SNX24: variants seen among roughly 807,000 people sequenced by gnomAD.
SNX24 encodes sorting nexin-24.
Under a neutral mutation model 28.7 loss-of-function variants are expected in SNX24, and 22 were observed. The observed-to-expected ratio is 0.77, with a 90% CI of 0.55 to 1.10. The LOEUF (loss-of-function observed/expected upper bound fraction) is 1.10. Ranked by LOEUF, SNX24 falls within the 50% of genes least tolerant of loss-of-function variation. SNX24 has a pLI of 0.00. For missense variants in SNX24, 221 were observed against 201.1 expected, an observed-to-expected ratio of 1.10 and a Z score of -0.60; for synonymous variants, 69 against 71.5, an observed-to-expected ratio of 0.96 and a Z score of 0.18.
intron 1 of SNX24, among the ~76,000 whole-genome samples, chr5:122,892,627 T>C (rs1444790567): frequency 2.0e-5 from 3 of 151,702 alleles, no homozygotes; most frequent in African/African-American, 7.3e-5. Context: ...TTTAAAAGAC[T>C]GGGTTTCACC....
At chr5:122,895,154 T>C (rs960319367) in intron 1 of SNX24, among the ~76,000 whole-genome samples, 1 of 151,970 alleles carries the variant, frequency 6.6e-6, no homozygotes, top group African/African-American at 2.4e-5. Flanking sequence ...ATTTAAAATA[T>C]ACATGGTTGC....
chr5:122,870,719 C>T (rs186464741), intron 1 of SNX24, among the ~76,000 whole-genome samples: 4 of 152,248 alleles, frequency 2.6e-5, no homozygotes, highest in East Asian at 1.9e-4. Context: ...CGGGCATGCA[C>T]GTGTGCAGGG....
In SNX24 at chr5:123,007,826, C is replaced by T; in HGVS notation, c.*77C>T. The stretch of plus-strand genomic sequence containing the variant: ...GGAAATCAATACCTACCAATTTAAC[C>T]TAAACGCTATGATATATAACAGCTC... On this transcript the variant is annotated 3_prime_UTR_variant, in exon 7 of 7. Transcript: ENST00000261369. The T allele has an allele frequency of 1.3e-6, 2 of 1,564,698 alleles. No individual in the cohort carries two copies. Among genetic ancestry groups the T allele is most frequent in the Non-Finnish European group, 1.7e-6 (2 of 1,163,234 alleles).
chr5:122,909,764 A>T (rs2034020709), intron 1 of SNX24, among the ~76,000 whole-genome samples: 1 of 152,162 alleles, frequency 6.6e-6, no homozygotes, highest in African/African-American at 2.4e-5. Context: ...TGGGGCAGAG[A>T]CCGTGTCTCT....
rs1031299909 is a variant in SNX24 at position 122,971,902 on chromosome 5, C to A, written c.249+25743C>A. ...TTTTACCTGACCTGGTGGAGTGATCCAAACCTTCATTCCTGAAGGGTCTGG... is the reference window on the plus strand; with the variant it reads ...TTTTACCTGACCTGGTGGAGTGATCAAAACCTTCATTCCTGAAGGGTCTGG... On this transcript the variant is annotated intron_variant, in intron 3 of 6. Coordinates refer to ENST00000261369, the MANE Select transcript of SNX24 (RefSeq NM_014035.4). 3.3e-5 allele frequency among the ~76,000 whole-genome samples: 5 copies of A among 152,304 alleles called. No homozygotes were observed. The South Asian group carries it at 1.0e-3, about 32-fold the overall frequency.
chr5:123,023,189 C>T (rs575647284), intron 5 of SNX24: 2 of 152,304 alleles, frequency 1.3e-5, no homozygotes, highest in East Asian at 1.9e-4. Flanking sequence ...AAAAATGTTA[C>T]ATTGAATAAC....
At chr5:122,860,322 T>TA (rs34746965) in intron 1 of SNX24, among the ~76,000 whole-genome samples, 82,620 of 151,256 alleles carry the variant, frequency 0.55, 23,018 homozygotes, top group African/African-American at 0.65. Context: ...TTGGGCAAGA[T>TA]AAAAAAAAAT....
At chr5:122,935,762 T>C (rs1403829999) in intron 1 of SNX24, among the ~76,000 whole-genome samples, 1 of 152,226 alleles carries the variant, frequency 6.6e-6, no homozygotes, top group Non-Finnish European at 1.5e-5. Context: ...AGACTAAAAG[T>C]AAGCATGCTT....
chr5:122,951,841 A>G (rs1759956034), intron 3 of SNX24, among the ~76,000 whole-genome samples: 1 of 152,166 alleles, frequency 6.6e-6, no homozygotes, highest in Non-Finnish European at 1.5e-5. Flanking sequence ...AGTGCTGGAG[A>G]GCTTCTAGGC....
At chr5:123,028,997 C>G in intron 5 of SNX24, 1 of 869,710 alleles carries the variant, frequency 1.1e-6, no homozygotes, top group Non-Finnish European at 1.7e-6. Flanking sequence ...TCTATCCCAG[C>G]TATGGTTTAC....
chr5:122,944,176 T>G (rs1339128382), intron 2 of SNX24, among the ~76,000 whole-genome samples: 1 of 152,246 alleles, frequency 6.6e-6, no homozygotes, highest in Non-Finnish European at 1.5e-5. Flanking sequence ...TCCTTGTGTC[T>G]CCCTGCTTTA....
At chr5:122,910,426 C>T (rs1411594679) in intron 1 of SNX24, among the ~76,000 whole-genome samples, 1 of 152,186 alleles carries the variant, frequency 6.6e-6, no homozygotes, top group East Asian at 1.9e-4. Flanking sequence ...TACTGCTCCT[C>T]CAAGGCCCAG....
intron 1 of SNX24, among the ~76,000 whole-genome samples, chr5:122,935,379 TA>T (rs557116449): frequency 8.7e-4 from 132 of 152,066 alleles, no homozygotes; most frequent in Admixed American, 1.4e-3. Context: ...TTTTTTTTCC[TA>T]AAAAAAATCT....
chr5:122,875,835 G>C (rs1229790497), intron 1 of SNX24, among the ~76,000 whole-genome samples: 5 of 152,184 alleles, frequency 3.3e-5, no homozygotes, highest in African/African-American at 1.2e-4. Flanking sequence ...TAGCGCCCAG[G>C]CTGGAGTGCA....
chr5:122,863,466 G>A (rs1259070870), intron 1 of SNX24, among the ~76,000 whole-genome samples: 1 of 152,036 alleles, frequency 6.6e-6, no homozygotes, highest in Admixed American at 6.6e-5. Flanking sequence ...ATGGAATGGT[G>A]GGGTGGGAGG....
rs78522216 is a variant in SNX24 at position 122,916,060 on chromosome 5, A to G, written c.61-20674A>G. 2.4e-3 allele frequency among the ~76,000 whole-genome samples: 372 copies of G among 152,364 alleles called. 1 individual carries two copies. Among genetic ancestry groups the G allele is most frequent in the African/African-American group, 8.5e-3 (355 of 41,584 alleles). On this transcript the variant is annotated intron_variant, in intron 1 of 6. Transcript: ENST00000261369. Reference sequence around the variant, plus strand: ...GTTCACTGTATTCCCATCCTGTAGCACATGTTTACACATAAAAGTGATCAA... The same window carrying G: ...GTTCACTGTATTCCCATCCTGTAGCGCATGTTTACACATAAAAGTGATCAA...
intron 6 of SNX24, among the ~76,000 whole-genome samples, chr5:123,002,648 C>G (rs1219392319): frequency 6.6e-6 from 1 of 152,172 alleles, no homozygotes; most frequent in African/African-American, 2.4e-5. Context: ...AAGCCTCTTC[C>G]CCGAAACTAT....
At chr5:122,873,844 C>T (rs979219266) in intron 1 of SNX24, among the ~76,000 whole-genome samples, 1 of 149,352 alleles carries the variant, frequency 6.7e-6, no homozygotes, top group Non-Finnish European at 1.5e-5. Flanking sequence ...CGGCTTACTG[C>T]AACTTCCACC....
chr5:122,872,963 AGTTTTTT>A (rs1756050263), intron 1 of SNX24, among the ~76,000 whole-genome samples: 1 of 151,852 alleles, frequency 6.6e-6, no homozygotes, highest in South Asian at 2.1e-4. Flanking sequence ...CCCAGAGGTT[AGTTTTTT>A]GGTTTTTGGT....
Sources: gnomAD v4.1 joint callset for allele counts (sites outside exome capture counted in the v4.1 genomes callset) on GRCh38, gnomAD v4.1.1 for gene constraint, MANE v1.5 for transcripts, NCBI Gene and HGNC (gene_info 2026-07-23, HGNC 2026-07-21) for gene names.